The following ARHGAP24 variants were observed in gnomAD, a reference collection of about 807,000 sequenced individuals.
ARHGAP24 encodes the protein Rho GTPase activating protein 24.
Under a neutral mutation model 76.4 loss-of-function variants are expected in ARHGAP24, and 50 were observed. The observed-to-expected ratio is 0.65, with a 90% CI of 0.52 to 0.83. The LOEUF is 0.83. ARHGAP24 is among the 40% of genes least tolerant of loss of function. The probability of loss-of-function intolerance (pLI) is 0.00; values close to 1 mark genes in which losing one functional copy is unlikely to be tolerated. For missense variants in ARHGAP24, 930 were observed against 914.2 expected (o/e 1.02, Z -0.22); for synonymous variants, 345 against 323.3 (o/e 1.07, Z -0.72).
At chr4:85,889,277 T>C (rs964965686) in intron 3 of ARHGAP24, among the ~76,000 whole-genome samples, 4 of 152,214 alleles carry the variant, frequency 2.6e-5, no homozygotes, top group Non-Finnish European at 5.9e-5. Context: ...AATGTTTACA[T>C]TGGTAATGTC....
intron 1 of ARHGAP24, among the ~76,000 whole-genome samples, chr4:85,482,936 G>A (rs1722874028): frequency 1.3e-5 from 2 of 152,160 alleles, no homozygotes. Context: ...GTTATGCTCT[G>A]GAATTAGACC....
chr4:85,730,108 T>G (rs1326249193), intron 3 of ARHGAP24, among the ~76,000 whole-genome samples: 1 of 152,206 alleles, frequency 6.6e-6, no homozygotes, highest in Non-Finnish European at 1.5e-5. Context: ...ATATCTATGC[T>G]TTAAATCACA....
chr4:85,985,167 A>G (rs552726044), intron 8 of ARHGAP24, among the ~76,000 whole-genome samples: 1 of 152,292 alleles, frequency 6.6e-6, no homozygotes, highest in African/African-American at 2.4e-5. Flanking sequence ...ATTCTATTAT[A>G]AAGACACATG....
chr4:85,942,829 TAAAG>T (rs1463916079), intron 5 of ARHGAP24, among the ~76,000 whole-genome samples: 2 of 152,136 alleles, frequency 1.3e-5, no homozygotes, highest in African/African-American at 2.4e-5. Flanking sequence ...ACTCCACTAA[TAAAG>T]AGTTAATCTG....
chr4:85,699,714 G>GT (rs1724002102), intron 2 of ARHGAP24, among the ~76,000 whole-genome samples: 1 of 151,872 alleles, frequency 6.6e-6, no homozygotes, highest in Non-Finnish European at 1.5e-5. Context: ...TTTCTCTACT[G>GT]TTTTTTCTTT....
Position 85,733,060 on chromosome 4 carries a change from C to T in ARHGAP24, c.268+11088C>T, listed in dbSNP as rs866562707. On this transcript the variant is annotated intron_variant, in intron 3 of 9. Transcript: ENST00000395184. The stretch of plus-strand genomic sequence containing the variant: ...CTATAGATCTTATAGGCCTCACCAA[C>T]TTTTTTTTTTTTTTTTTTTTTGAGA... 8.9e-4 allele frequency among the ~76,000 whole-genome samples: 49 copies of T among 55,208 alleles called. 1 individual carries two copies. The highest frequency in any genetic ancestry group is 5.8e-3 in the South Asian group (5 of 868). 36.2% of individuals were successfully genotyped at this position (55,208 alleles called of 152,430 possible).
intron 1 of ARHGAP24, among the ~76,000 whole-genome samples, chr4:85,569,680 G>A (rs1027328444): frequency 6.6e-6 from 1 of 152,166 alleles, no homozygotes; most frequent in Non-Finnish European, 1.5e-5. Context: ...ACTAGCAAAA[G>A]CAGGTGTTTT....
In ARHGAP24 at chr4:85,901,084, T is replaced by C. The variant is rs181883379; in HGVS notation, c.269-22564T>C. 3.5e-3 allele frequency among the ~76,000 whole-genome samples: 533 copies of C among 152,148 alleles called. 2 individuals carry two copies. Among genetic ancestry groups the C allele is most frequent in the African/African-American group, 0.012 (493 of 41,512 alleles). On this transcript the variant is annotated intron_variant, in intron 3 of 9. Transcript: ENST00000395184. ...TATATCAATTTGAAACATTTAATTA[T>C]ATATGCACTGGCCAATTTTGATGTG...
chr4:85,801,041 C>T (rs1266510574), intron 3 of ARHGAP24, among the ~76,000 whole-genome samples: 1 of 152,130 alleles, frequency 6.6e-6, no homozygotes, highest in Non-Finnish European at 1.5e-5. Flanking sequence ...AAGATGAACA[C>T]AACATATGCC....
chr4:85,545,454 C>T (rs934249170), intron 1 of ARHGAP24, among the ~76,000 whole-genome samples: 1 of 152,136 alleles, frequency 6.6e-6, no homozygotes, highest in African/African-American at 2.4e-5. Context: ...TGCTAATTTT[C>T]TCTTCATAAA....
chr4:85,949,646 T>C (rs556959534), intron 5 of ARHGAP24, among the ~76,000 whole-genome samples: 16 of 152,292 alleles, frequency 1.1e-4, no homozygotes, highest in Middle Eastern at 3.4e-3. Context: ...ACAAGACCTT[T>C]AAGGAGTAGG....
intron 1 of ARHGAP24, among the ~76,000 whole-genome samples, chr4:85,557,461 A>G: frequency 6.6e-6 from 1 of 152,212 alleles, no homozygotes; most frequent in East Asian, 1.9e-4. Context: ...TTTCCTGAGC[A>G]GAAGTGGTAG....
At position 85,475,316 on chromosome 4, in the gene ARHGAP24, T is replaced by G. The variant is rs1022787723; in HGVS notation, c.-264T>G. On this transcript the variant is annotated 5_prime_UTR_variant, in exon 1 of 10. Transcript: ENST00000395184. ...CAGAGAGGAGCCTGGCGGGGGTGGC[T>G]GGGTGGCTGGGGGAATCCCCCCAAC... 2.6e-5 allele frequency: 4 copies of G among 152,258 alleles called. No homozygotes were observed. The highest frequency in any genetic ancestry group is 9.7e-5 in the African/African-American group (4 of 41,344). The allele number at this position is 152,258 out of a possible 1,614,324, so 9.4% of individuals were successfully genotyped here.
intron 3 of ARHGAP24, among the ~76,000 whole-genome samples, chr4:85,733,828 C>T (rs1725506508): frequency 6.6e-6 from 1 of 152,110 alleles, no homozygotes; most frequent in Non-Finnish European, 1.5e-5. Context: ...AAATTAATTA[C>T]CTCTTTAAAG....
intron 2 of ARHGAP24, among the ~76,000 whole-genome samples, chr4:85,593,141 AG>A (rs372372128): frequency 2.6e-5 from 4 of 152,192 alleles, no homozygotes; most frequent in African/African-American, 9.6e-5. Flanking sequence ...TTTGGATAAA[AG>A]CCAATTTAAC....
chr4:85,678,351 CAA>C (rs1367114905), intron 2 of ARHGAP24, among the ~76,000 whole-genome samples: 5 of 152,224 alleles, frequency 3.3e-5, no homozygotes, highest in African/African-American at 1.2e-4. Flanking sequence ...GCCTGGGTGA[CAA>C]AGCAAGACTC....
chr4:85,686,455 A>G (rs1370057790), intron 2 of ARHGAP24: 1 of 152,214 alleles, frequency 6.6e-6, no homozygotes, highest in Non-Finnish European at 1.5e-5. Context: ...AAATCATGAC[A>G]AAGAGGTATT....
intron 3 of ARHGAP24, among the ~76,000 whole-genome samples, chr4:85,795,325 C>T (rs17399707): frequency 0.13 from 19,428 of 152,168 alleles, 1,704 homozygotes; most frequent in Non-Finnish European, 0.2. Context: ...TATTCCCTTC[C>T]TTTTTCTCCC....
chr4:85,817,067 C>T (rs1435651478), intron 3 of ARHGAP24, among the ~76,000 whole-genome samples: 1 of 151,992 alleles, frequency 6.6e-6, no homozygotes, highest in African/African-American at 2.4e-5. Context: ...GTATATCTTC[C>T]TTTGAGAAGT....
Sources: allele counts gnomAD v4.1 joint callset (sites outside exome capture counted in the v4.1 genomes callset), GRCh38; gene constraint gnomAD v4.1.1; transcripts MANE v1.5; gene names NCBI Gene and HGNC (gene_info 2026-07-23, HGNC 2026-07-21).